The following CACUL1 variants were observed in gnomAD, a reference collection of about 807,000 sequenced individuals.
CACUL1 encodes the protein CDK2 associated cullin domain 1.
CACUL1 carries 13 observed loss-of-function variants against 45.2 expected under a neutral mutation model. The ratio of observed to expected loss-of-function variants is 0.29; its 90% confidence interval spans 0.19 to 0.46. The LOEUF (loss-of-function observed/expected upper bound fraction) is 0.46, where lower values mean the gene tolerates loss of function less well. Ranked by LOEUF, CACUL1 falls within the 20% of genes least tolerant of loss-of-function variation. CACUL1 has a pLI of 1.00. For missense variants in CACUL1, 421 were observed against 471.4 expected, an observed-to-expected ratio of 0.89 and a Z score of 0.99; for synonymous variants, 197 against 174.2, an observed-to-expected ratio of 1.13 and a Z score of -1.03.
chr10:118,740,651 G>A (rs1845783226), intron 1 of CACUL1, among the ~76,000 whole-genome samples: 1 of 151,410 alleles, frequency 6.6e-6, no homozygotes, highest in Admixed American at 6.6e-5. Context: ...TAGTGGCCAG[G>A]CACGGCAGCT....
intron 5 of CACUL1, among the ~76,000 whole-genome samples, chr10:118,700,646 G>A (rs759431479): frequency 2.0e-5 from 3 of 149,096 alleles, no homozygotes; most frequent in Non-Finnish European, 4.4e-5. Context: ...GAACCCGAGA[G>A]GCAGAGCTTG....
At chr10:118,693,691 C>T (rs529158550) in intron 6 of CACUL1, 1 of 455,558 alleles carries the variant, frequency 2.2e-6, no homozygotes, top group African/African-American at 2.0e-5. Flanking sequence ...CATTCATAAC[C>T]TGGTACACAC....
chr10:118,679,212 T>G lies in CACUL1; in HGVS notation c.*6916A>C, dbSNP rs1369000472. On this transcript the variant is annotated 3_prime_UTR_variant, in exon 9 of 9. Coordinates refer to ENST00000369151, the MANE Select transcript of CACUL1 (RefSeq NM_153810.5). Reference sequence around the variant, plus strand: ...GTACCACCACGCCCAACTTTTTTTGTGTTTTTTTGAGACAGAGTCTCGCTC... The same window carrying G: ...GTACCACCACGCCCAACTTTTTTTGGGTTTTTTTGAGACAGAGTCTCGCTC... 1 of 151,810 alleles carries G rather than the reference T, an allele frequency of 6.6e-6. No individual in the cohort carries two copies. Among genetic ancestry groups the G allele is most frequent in the African/African-American group, 2.4e-5 (1 of 41,294 alleles). The allele number at this position is 151,810 out of a possible 1,614,324, so 9.4% of individuals were successfully genotyped here.
At chr10:118,738,923 C>A (rs1024741887) in intron 1 of CACUL1, among the ~76,000 whole-genome samples, 3 of 121,962 alleles carry the variant, frequency 2.5e-5, no homozygotes, top group African/African-American at 9.3e-5. Flanking sequence ...AAAGCCTGGG[C>A]GCTGTGGTTC....
rs780129590 is a variant in CACUL1, at chr10:118,691,250, A to T, written c.1025+15T>A. 3.1e-6 allele frequency: 5 copies of T among 1,606,584 alleles called. No individual in the cohort carries two copies. The highest frequency in any genetic ancestry group is 4.2e-6 in the Non-Finnish European group (5 of 1,177,198). On this transcript the variant is annotated intron_variant, in intron 7 of 8. Coordinates refer to ENST00000369151, the MANE Select transcript of CACUL1 (RefSeq NM_153810.5). ...TGGACATATTTGACCACTAAAGGAA[A>T]AAAAAACAACTTGCCTTGTAAAACC...
intron 4 of CACUL1, among the ~76,000 whole-genome samples, chr10:118,701,755 C>A (rs1238857641): frequency 6.6e-6 from 1 of 152,116 alleles, no homozygotes; most frequent in Non-Finnish European, 1.5e-5. Context: ...GAAAAGTACC[C>A]CATTTATCAA....
At chr10:118,716,305 A>T (rs1227566804) in intron 3 of CACUL1, among the ~76,000 whole-genome samples, 25 of 145,034 alleles carry the variant, frequency 1.7e-4, no homozygotes, top group African/African-American at 4.3e-4. Flanking sequence ...CCATTTTGGT[A>T]TTTTTTTTTT....
rs1845194534 is a variant in CACUL1, at chr10:118,685,400, T to A, written c.*728A>T. 1 of 127,120 alleles carries A rather than the reference T, an allele frequency of 7.9e-6. No homozygotes were observed. Among genetic ancestry groups the A allele is most frequent in the Non-Finnish European group, 1.8e-5 (1 of 55,950 alleles). The allele number at this position is 127,120 out of a possible 1,614,324, so 7.9% of individuals were successfully genotyped here. ...ACCCATGTGCAAAAGGTTTCTATTT[T>A]CCCACTTAATTAGCATCCTGCTACA... On this transcript the variant is annotated 3_prime_UTR_variant, in exon 9 of 9. Transcript: ENST00000369151.
At chr10:118,729,244 A>G in intron 3 of CACUL1, 51 bp downstream of exon 3, 1 of 1,234,086 alleles carries the variant, frequency 8.1e-7, no homozygotes, top group Non-Finnish European at 1.2e-6. Flanking sequence ...GCTAACTGCA[A>G]CCAGTCAGGA....
chr10:118,730,984 A>G (rs866815681), intron 1 of CACUL1, among the ~76,000 whole-genome samples: 7 of 152,196 alleles, frequency 4.6e-5, no homozygotes, highest in African/African-American at 1.4e-4. Flanking sequence ...TCAGGCTGCT[A>G]CTATCTTAAA....
At chr10:118,711,632 G>A (rs1439720301) in intron 3 of CACUL1, among the ~76,000 whole-genome samples, 1 of 152,150 alleles carries the variant, frequency 6.6e-6, no homozygotes, top group Non-Finnish European at 1.5e-5. Flanking sequence ...ACTTTATCCA[G>A]AAGTTAAAAG....
At chr10:118,701,185 C>A (rs1845376109) in intron 5 of CACUL1, 121 bp downstream of exon 5, 2 of 509,808 alleles carry the variant, frequency 3.9e-6, no homozygotes, top group African/African-American at 1.9e-5. Context: ...ACACTTCCTG[C>A]TATCTGGTTC....
intron 3 of CACUL1, among the ~76,000 whole-genome samples, chr10:118,719,707 G>A (rs1017208277): frequency 6.6e-6 from 1 of 151,980 alleles, no homozygotes; most frequent in Non-Finnish European, 1.5e-5. Flanking sequence ...GCTACTCAGG[G>A]GGCCAAGGCA....
chr10:118,739,836 C>G (rs1321964977), intron 1 of CACUL1, among the ~76,000 whole-genome samples: 1 of 152,216 alleles, frequency 6.6e-6, no homozygotes, highest in Non-Finnish European at 1.5e-5. Context: ...TCTAACAAAG[C>G]TGTTGAAAAG....
intron 3 of CACUL1, among the ~76,000 whole-genome samples, chr10:118,722,472 ATC>A (rs1371323297): frequency 1.3e-5 from 2 of 152,278 alleles, no homozygotes; most frequent in African/African-American, 2.4e-5. Context: ...TGCCTGAGAT[ATC>A]TGTCAGCACT....
intron 5 of CACUL1, among the ~76,000 whole-genome samples, chr10:118,699,122 CAT>C (rs1564829823): frequency 6.6e-6 from 1 of 152,128 alleles, no homozygotes; most frequent in African/African-American, 2.4e-5. Context: ...ACAAGCAGTG[CAT>C]GTGTGTTTAA....
intron 5 of CACUL1, among the ~76,000 whole-genome samples, chr10:118,696,520 T>C (rs763986355): frequency 3.9e-5 from 6 of 152,222 alleles, no homozygotes; most frequent in Non-Finnish European, 7.3e-5. Context: ...GGCAGGCGCC[T>C]GTAATCCCAG....
Position 118,707,698 on chromosome 10 carries a change from T to TAAC in CACUL1, c.598-114_598-112dup, listed in dbSNP as rs1554895192. 2.2e-5 allele frequency: 8 copies of TAAC among 367,678 alleles called. No individual in the cohort carries two copies. The African/African-American group carries it at 2.6e-4, about 12-fold the overall frequency. The allele number at this position is 367,678 out of a possible 1,614,324, so 22.8% of individuals were successfully genotyped here. A position where few individuals can be genotyped will look rare whatever the true frequency, so the allele number is the denominator to read the frequency against. Reference sequence around the variant, plus strand: ...CAAAATTCATACTGAGATTCACAATTAACAAAAAAAAAAAAAAAGGAAGAC... The same window carrying TAAC: ...CAAAATTCATACTGAGATTCACAATTAACAACAAAAAAAAAAAAAAAGGAAGAC... On this transcript the variant is annotated intron_variant, in intron 3 of 8. Transcript: ENST00000369151.
chr10:118,736,838 AC>A (rs1171026237), intron 1 of CACUL1, among the ~76,000 whole-genome samples: 1 of 151,962 alleles, frequency 6.6e-6, no homozygotes, highest in African/African-American at 2.4e-5. Context: ...CTTTTACTGT[AC>A]CTTTTCTATG....
Sources: gnomAD v4.1 joint callset for allele counts (sites outside exome capture counted in the v4.1 genomes callset) on GRCh38, gnomAD v4.1.1 for gene constraint, MANE v1.5 for transcripts, NCBI Gene and HGNC (gene_info 2026-07-23, HGNC 2026-07-21) for gene names.